THSD7B: variants seen among roughly 807,000 people sequenced by gnomAD.
THSD7B encodes thrombospondin type 1 domain containing 7B.
Under a neutral mutation model 213.6 loss-of-function variants are expected in THSD7B, and 138 were observed. That is an observed-to-expected ratio of 0.65 (90% CI 0.56 to 0.74). The LOEUF is 0.74. Ranked by LOEUF, THSD7B falls within the 30% of genes least tolerant of loss-of-function variation. The pLI is 0.00. For missense variants in THSD7B, 1,931 were observed against 1,991.5 expected (o/e 0.97, Z 0.58); for synonymous variants, 742 against 687.0 (o/e 1.08, Z -1.25).
intron 15 of THSD7B, among the ~76,000 whole-genome samples, chr2:137,453,116 A>G (rs1573634357): frequency 6.6e-6 from 1 of 152,176 alleles, no homozygotes; most frequent in East Asian, 1.9e-4. Flanking sequence ...GAGATTTCAG[A>G]TATCAAGTAT....
chr2:137,089,266 G>GTGTGTGTATGTATATATACATATATA lies in THSD7B; in HGVS notation c.951-5600_951-5599insATGTATATATACATATATATGTGTGT, dbSNP rs1558916442. ...AAGTGGTGTGTGTGTGTGTGTGTGTGTGTGTGTGTATATGTATATATACAT... is the reference window on the plus strand; with the variant it reads ...AAGTGGTGTGTGTGTGTGTGTGTGTGTGTGTGTATGTATATATACATATATATGTGTGTGTATATGTATATATACAT... On this transcript the variant is annotated intron_variant, in intron 3 of 27. Transcript: ENST00000409968. Among the ~76,000 whole-genome samples the GTGTGTGTATGTATATATACATATATA allele has an allele frequency of 4.7e-3, 602 of 129,326 alleles. 18 individuals are homozygous for GTGTGTGTATGTATATATACATATATA. The highest frequency in any genetic ancestry group is 0.034 in the East Asian group (132 of 3,884). The allele number at this position is 129,326 out of a possible 152,430, so 84.8% of individuals were successfully genotyped here. A position where few individuals can be genotyped will look rare whatever the true frequency, so the allele number is the denominator to read the frequency against.
At chr2:136,992,198 A>C (rs1685799796) in intron 2 of THSD7B, among the ~76,000 whole-genome samples, 1 of 152,366 alleles carries the variant, frequency 6.6e-6, no homozygotes, top group South Asian at 2.1e-4. Flanking sequence ...TCTTTGTTTC[A>C]CAATAATCTT....
At chr2:136,907,999 G>A (rs1303378601) in intron 2 of THSD7B, among the ~76,000 whole-genome samples, 1 of 152,066 alleles carries the variant, frequency 6.6e-6, no homozygotes, top group Non-Finnish European at 1.5e-5. Flanking sequence ...TTTGCCTAAA[G>A]GTTTGGTATC....
At chr2:137,175,330 A>G (rs527343133) in intron 7 of THSD7B, among the ~76,000 whole-genome samples, 35 of 152,352 alleles carry the variant, frequency 2.3e-4, no homozygotes, top group African/African-American at 7.9e-4. Context: ...AATGCAACAT[A>G]CAATCTGCAC....
chr2:137,084,351 A>C (rs532985318), intron 3 of THSD7B, among the ~76,000 whole-genome samples: 24 of 152,328 alleles, frequency 1.6e-4, no homozygotes, highest in African/African-American at 5.8e-4. Context: ...GGAGCTAAAA[A>C]GTAAAGCGAT....
intron 2 of THSD7B, among the ~76,000 whole-genome samples, chr2:137,012,069 T>C (rs1028137686): frequency 6.6e-6 from 1 of 152,116 alleles, no homozygotes; most frequent in African/African-American, 2.4e-5. Flanking sequence ...AAAAACCCCA[T>C]CCTCAATCAG....
At chr2:137,447,655 T>C (rs974232557) in intron 14 of THSD7B, among the ~76,000 whole-genome samples, 1 of 150,556 alleles carries the variant, frequency 6.6e-6, no homozygotes, top group Non-Finnish European at 1.5e-5. Flanking sequence ...TTTTTTTCAA[T>C]TCCAGAAGGA....
chr2:136,801,157 T>C (rs1358931727), intron 1 of THSD7B, among the ~76,000 whole-genome samples: 1 of 152,106 alleles, frequency 6.6e-6, no homozygotes, highest in African/African-American at 2.4e-5. Context: ...CGACAAATGA[T>C]GTAACTTGCA....
intron 16 of THSD7B, 122 bp downstream of exon 16, chr2:137,563,476 T>TC: frequency 7.7e-7 from 1 of 1,299,836 alleles, no homozygotes; most frequent in African/African-American, 1.5e-5. Context: ...TCTGGTTTTT[T>TC]CTCATCTTTG....
chr2:136,830,599 A>G (rs192486139), intron 1 of THSD7B, among the ~76,000 whole-genome samples: 1 of 152,242 alleles, frequency 6.6e-6, no homozygotes, highest in Admixed American at 6.5e-5. Flanking sequence ...GCTGAATTTT[A>G]TTGTAAATGT....
intron 3 of THSD7B, among the ~76,000 whole-genome samples, chr2:137,081,043 G>A (rs923285281): frequency 4.6e-5 from 7 of 152,042 alleles, no homozygotes; most frequent in Non-Finnish European, 8.8e-5. Context: ...GCCTTGATTT[G>A]TATACTGTTT....
intron 15 of THSD7B, among the ~76,000 whole-genome samples, chr2:137,536,399 A>G (rs998622104): frequency 1.3e-5 from 2 of 151,646 alleles, no homozygotes; most frequent in Non-Finnish European, 2.9e-5. Flanking sequence ...CTCTAAAGAA[A>G]GAATAGTACT....
intron 17 of THSD7B, among the ~76,000 whole-genome samples, chr2:137,578,242 C>CA (rs1297616576): frequency 2.6e-5 from 4 of 152,026 alleles, no homozygotes; most frequent in Non-Finnish European, 5.9e-5. Flanking sequence ...ATTTGAGACA[C>CA]AAAATACTGA....
intron 27 of THSD7B, among the ~76,000 whole-genome samples, chr2:137,671,765 C>G (rs926995672): frequency 6.6e-6 from 1 of 152,112 alleles, no homozygotes; most frequent in African/African-American, 2.4e-5. Context: ...AGAAACAAAG[C>G]CTAACCGTAT....
intron 21 of THSD7B, among the ~76,000 whole-genome samples, chr2:137,646,594 G>A (rs1182245012): frequency 6.7e-6 from 1 of 150,292 alleles, no homozygotes; most frequent in Non-Finnish European, 1.5e-5. Flanking sequence ...GGAGGTTGGA[G>A]TGAGCTGAGA....
intron 2 of THSD7B, among the ~76,000 whole-genome samples, chr2:137,007,751 T>C (rs1205508114): frequency 6.6e-6 from 1 of 152,164 alleles, no homozygotes; most frequent in Non-Finnish European, 1.5e-5. Context: ...GTAATGTTTC[T>C]ATAGAGATTA....
intron 5 of THSD7B, among the ~76,000 whole-genome samples, chr2:137,128,251 T>C (rs1401994636): frequency 1.3e-5 from 2 of 152,208 alleles, no homozygotes; most frequent in Non-Finnish European, 2.9e-5. Context: ...TTAACACTTA[T>C]AACTTTAATA....
At chr2:136,802,813 G>A (rs1165603602) in intron 1 of THSD7B, among the ~76,000 whole-genome samples, 5 of 151,056 alleles carry the variant, frequency 3.3e-5, no homozygotes, top group African/African-American at 1.2e-4. Flanking sequence ...GTTTAGAAAT[G>A]TGAGACCTCC....
chr2:137,347,968 T>TA (rs1380463221), intron 12 of THSD7B, among the ~76,000 whole-genome samples: 8 of 149,794 alleles, frequency 5.3e-5, no homozygotes, highest in Admixed American at 2.0e-4. Flanking sequence ...GGCCTCATTT[T>TA]CAAAAAAAAA....
Sources: allele counts gnomAD v4.1 joint callset (sites outside exome capture counted in the v4.1 genomes callset), GRCh38; gene constraint gnomAD v4.1.1; transcripts MANE v1.5; gene names NCBI Gene and HGNC (gene_info 2026-07-23, HGNC 2026-07-21).